The following CBLC variants were observed in gnomAD, a reference collection of about 807,000 sequenced individuals.
CBLC encodes Cbl proto-oncogene C.
A neutral mutation model predicts 58.6 loss-of-function variants in CBLC; 46 were observed. The observed-to-expected ratio is 0.79, with a 90% CI of 0.62 to 1.00. CBLC has a LOEUF of 1.00. Among genes scored for constraint, CBLC ranks in the 50% least tolerant of loss-of-function variants. The probability of loss-of-function intolerance (pLI) is 0.00; values close to 1 mark genes in which losing one functional copy is unlikely to be tolerated. For synonymous variants in CBLC, 271 were observed against 264.2 expected (o/e 1.03, Z -0.25); for missense variants, 655 against 625.8 (o/e 1.05, Z -0.50).
intron 9 of CBLC, among the ~76,000 whole-genome samples, chr19:44,797,198 A>G (rs1599875362): frequency 6.6e-6 from 1 of 152,026 alleles, no homozygotes; most frequent in African/African-American, 2.4e-5. Context: ...CATACCACAG[A>G]AGAGACAGCC....
chr19:44,791,925 G>A (rs1237877063), intron 6 of CBLC, among the ~76,000 whole-genome samples: 5 of 151,598 alleles, frequency 3.3e-5, no homozygotes, highest in Non-Finnish European at 5.9e-5. Context: ...TGCCTTGGCC[G>A]CCAGAAGTGC....
At chr19:44,788,948 G>C (rs554686784) in intron 5 of CBLC, among the ~76,000 whole-genome samples, 20 of 152,236 alleles carry the variant, frequency 1.3e-4, no homozygotes, top group Admixed American at 1.0e-3. Flanking sequence ...GTGGGGCCCA[G>C]GTCAGGGATC....
chr19:44,783,412 G>A (rs890461140), intron 4 of CBLC, among the ~76,000 whole-genome samples: 2 of 151,968 alleles, frequency 1.3e-5, no homozygotes, highest in Non-Finnish European at 2.9e-5. Flanking sequence ...GGGAGGCTGA[G>A]ACAGGAGAAT....
chr19:44,788,971 A>C (rs1370572145), intron 5 of CBLC, among the ~76,000 whole-genome samples: 1 of 152,232 alleles, frequency 6.6e-6, no homozygotes, highest in African/African-American at 2.4e-5. Context: ...GCACTGCTCC[A>C]CATGACAGGC....
intron 6 of CBLC, 109 bp from the exon 7 acceptor site, chr19:44,792,274 T>G (rs1599870338): frequency 4.0e-5 from 50 of 1,258,678 alleles, no homozygotes; most frequent in Non-Finnish European, 5.2e-5. Flanking sequence ...ATTACAGGCG[T>G]GAGCCACCAC....
chr19:44,797,644 A>G (rs1386092551), intron 9 of CBLC, among the ~76,000 whole-genome samples: 2 of 143,912 alleles, frequency 1.4e-5, no homozygotes, highest in African/African-American at 5.2e-5. Context: ...AATCCCAGCT[A>G]CTCAGGAGGC....
chr19:44,778,394 A>C, intron 1 of CBLC, 110 bp downstream of exon 1: 2 of 1,025,514 alleles, frequency 2.0e-6, no homozygotes, highest in South Asian at 3.1e-5. Flanking sequence ...CCTCCCTCAG[A>C]CCCAGGAACT....
In CBLC at chr19:44,778,273, C is replaced by T; in HGVS notation, c.342C>T (p.Gly114=). ...RSANDELFRA[G]SRLRRQLAKL... ...CCAACGACGAGCTCTTCCGGGCGGG[C>T]TCCAGACTCAGGTGAGCCTTCGCCC... Residue 114 remains glycine, a synonymous_variant, in exon 1 of 11, where the codon GGC becomes GGT. Transcript: ENST00000647358. The T allele has an allele frequency of 7.0e-7, 1 of 1,438,426 alleles. No homozygotes were observed. The highest frequency in any genetic ancestry group is 1.5e-5 in the South Asian group (1 of 67,242). 89.1% of individuals were successfully genotyped at this position (1,438,426 alleles called of 1,614,324 possible).
rs548133945 is a variant in CBLC, at chr19:44,792,417, C to T, written c.1040C>T (p.Thr347Ile). The change falls in exon 7 of 11, where the codon ACA becomes ATA. Residue 347 changes from threonine to isoleucine, a missense_variant. Physicochemically the swap from Thr to Ile is moderately conservative, Grantham distance 89 (BLOSUM62 -1). Around this residue, in one of 3 missense-constraint regions of CBLC, gnomAD observed 371 missense variants for 370.8 expected, o/e 1.00. Transcript: ENST00000647358. ...CAGCTCTACTGGGCCATGGACTCCA[C>T]ATTTGAGCTCTGCAAGATCTGTGCT... The part of the protein sequence containing the change: ...QLQLYWAMDS[T>I]FELCKICAES... 17 of 1,613,784 alleles carry T rather than the reference C, an allele frequency of 1.1e-5. No homozygotes were observed. The African/African-American group carries it at 2.0e-4, about 19-fold the overall frequency.
At chr19:44,785,745 G>A (rs1477659467) in intron 5 of CBLC, among the ~76,000 whole-genome samples, 1 of 151,692 alleles carries the variant, frequency 6.6e-6, no homozygotes, top group Non-Finnish European at 1.5e-5. Flanking sequence ...AGAACAGCCT[G>A]GTCAACATGG....
chr19:44,782,067 G>A (rs1967761598), intron 3 of CBLC, among the ~76,000 whole-genome samples: 1 of 143,084 alleles, frequency 7.0e-6, no homozygotes, highest in African/African-American at 2.6e-5. Flanking sequence ...CTGGGTCTGA[G>A]GGAGGAGGGG....
Position 44,788,518 on chromosome 19 carries a change from T to C in CBLC, c.918-1486T>C, listed in dbSNP as rs977112541. Reference sequence around the variant, plus strand: ...TTTTTGAGACAGAGTCTTGCTGTGTTGCCCAGGCTCGAGTGCAGTGGTGCG... The same window carrying C: ...TTTTTGAGACAGAGTCTTGCTGTGTCGCCCAGGCTCGAGTGCAGTGGTGCG... On this transcript the variant is annotated intron_variant, in intron 5 of 10. Coordinates refer to ENST00000647358, the MANE Select transcript of CBLC (RefSeq NM_012116.4). Among the ~76,000 whole-genome samples the C allele has an allele frequency of 6.0e-4, 90 of 150,252 alleles. 1 individual carries two copies. The highest frequency in any genetic ancestry group is 2.1e-3 in the African/African-American group (84 of 40,938).
chr19:44,795,960 A>G (rs1968169927), intron 9 of CBLC, among the ~76,000 whole-genome samples: 2 of 152,304 alleles, frequency 1.3e-5, no homozygotes, highest in African/African-American at 4.8e-5. Flanking sequence ...TTATGCCTGT[A>G]ATCCCAACAT....
Position 44,778,134 on chromosome 19 carries a change from G to C in CBLC, c.203G>C (p.Gly68Ala), listed in dbSNP as rs1330131412. 1.9e-6 allele frequency: 3 copies of C among 1,594,764 alleles called. No homozygotes were observed. The highest frequency in any genetic ancestry group is 1.7e-5 in the Admixed American group (1 of 57,414). Reference protein sequence around the residue: ...VAHSRRAAGGGGPGGPGGSGD... With the variant: ...VAHSRRAAGGAGPGGPGGSGD... Reference sequence around the variant, plus strand: ...CATTCTCGGCGGGCGGCCGGCGGAGGCGGCCCCGGGGGTCCCGGCGGCTCT... The same window carrying C: ...CATTCTCGGCGGGCGGCCGGCGGAGCCGGCCCCGGGGGTCCCGGCGGCTCT... The change falls in exon 1 of 11, where the codon GGC becomes GCC. Residue 68 changes from glycine to alanine, a missense_variant. By Grantham distance (60) the Gly-to-Ala change is moderately conservative. Coordinates refer to ENST00000647358, the MANE Select transcript of CBLC (RefSeq NM_012116.4).
intron 5 of CBLC, 70 bp downstream of exon 5, chr19:44,784,471 C>T (rs1967834274): frequency 1.4e-6 from 2 of 1,435,700 alleles, no homozygotes; most frequent in African/African-American, 1.4e-5. Context: ...ATGTTGTGCA[C>T]TGCCGGTGGC....
chr19:44,789,208 G>A (rs1467261929), intron 5 of CBLC, among the ~76,000 whole-genome samples: 1 of 152,116 alleles, frequency 6.6e-6, no homozygotes, highest in African/African-American at 2.4e-5. Context: ...GTGTGACCTT[G>A]GGCAAATGCC....
Position 44,797,442 on chromosome 19 carries a change from G to T in CBLC, c.1363-2939G>T, listed in dbSNP as rs566328722. The stretch of plus-strand genomic sequence containing the variant: ...ATTTTTGTATTTTTAGTAGAGACAG[G>T]GTTTCATCATGTTGGCCAGGCTGGT... On this transcript the variant is annotated intron_variant, in intron 9 of 10. Transcript: ENST00000647358. 1.1e-4 allele frequency among the ~76,000 whole-genome samples: 16 copies of T among 152,026 alleles called. No homozygotes were observed. The South Asian group carries it at 3.1e-3, about 30-fold the overall frequency.
rs1014912119 is a variant in CBLC at position 44,778,274 on chromosome 19, T to C, written c.343T>C (p.Ser115Pro). 7.0e-7 allele frequency: 1 copy of C among 1,437,124 alleles called. No individual in the cohort carries two copies. The highest frequency in any genetic ancestry group is 9.1e-7 in the Non-Finnish European group (1 of 1,097,700). The allele number at this position is 1,437,124 out of a possible 1,614,324, so 89.0% of individuals were successfully genotyped here. Residue 115 changes from serine (S) to proline (P), a missense_variant, in exon 1 of 11, where the codon TCC becomes CCC. Ser to Pro is a moderately conservative substitution (Grantham distance 74). Transcript: ENST00000647358. ...CAACGACGAGCTCTTCCGGGCGGGC[T>C]CCAGACTCAGGTGAGCCTTCGCCCC... ...SANDELFRAG[S>P]RLRRQLAKLA...
chr19:44,792,242 C>T, intron 6 of CBLC, 141 bp from the exon 7 acceptor site: 2 of 798,186 alleles, frequency 2.5e-6, no homozygotes, highest in Admixed American at 4.5e-5. Flanking sequence ...GATCCCCCTG[C>T]CTCAGCCTCC....
Sources: allele counts gnomAD v4.1 joint callset (sites outside exome capture counted in the v4.1 genomes callset), GRCh38; gene constraint gnomAD v4.1.1; regional missense constraint gnomAD v4.1.1; transcripts MANE v1.5; gene names NCBI Gene and HGNC (gene_info 2026-07-23, HGNC 2026-07-21).